The following ADRA1B variants were observed in gnomAD, a reference collection of about 807,000 sequenced individuals.
ADRA1B encodes the protein adrenoceptor alpha 1B, also known as alpha-1B adrenergic receptor.
Under a neutral mutation model 17.9 loss-of-function variants are expected in ADRA1B, and 17 were observed. That is an observed-to-expected ratio of 0.95 (90% CI 0.65 to 1.42). ADRA1B has a LOEUF of 1.42. Among genes scored for constraint, ADRA1B ranks in the 40% most tolerant of loss-of-function variants. ADRA1B has a pLI of 0.00. For synonymous variants in ADRA1B, 366 were observed against 327.6 expected (o/e 1.12, Z -1.27); for missense variants, 681 against 722.1 (o/e 0.94, Z 0.65).
chr5:159,988,157 G>A, the ADRA1B span, among the ~76,000 whole-genome samples: 3 of 152,174 alleles, frequency 2.0e-5, no homozygotes, highest in Admixed American at 1.3e-4. Context: ...AGAACAAAGG[G>A]ACGGACATTT....
chr5:159,926,933 T>C (rs1289782214), intron 1 of ADRA1B, among the ~76,000 whole-genome samples: 1 of 151,940 alleles, frequency 6.6e-6, no homozygotes, highest in East Asian at 1.9e-4. Context: ...AATAAGGAAA[T>C]GGGCTCAGGG....
At chr5:159,956,878 C>CT (rs1022081858) in intron 1 of ADRA1B, among the ~76,000 whole-genome samples, 8 of 151,232 alleles carry the variant, frequency 5.3e-5, no homozygotes, top group East Asian at 1.9e-4. Context: ...TAATATTTTG[C>CT]TTTTTTTTTC....
At chr5:159,984,189 C>A in the ADRA1B span, among the ~76,000 whole-genome samples, 1 of 152,074 alleles carries the variant, frequency 6.6e-6, no homozygotes, top group African/African-American at 2.4e-5. Flanking sequence ...TCTCTTCACT[C>A]CCTGGTTACC....
intron 1 of ADRA1B, among the ~76,000 whole-genome samples, chr5:159,875,469 G>C (rs1753791665): frequency 6.6e-6 from 1 of 152,048 alleles, no homozygotes; most frequent in Non-Finnish European, 1.5e-5. Context: ...ATGACCCTGA[G>C]ACCATACCTA....
intron 1 of ADRA1B, among the ~76,000 whole-genome samples, chr5:159,901,392 G>A (rs1202584605): frequency 1.6e-5 from 2 of 128,076 alleles, no homozygotes; most frequent in Non-Finnish European, 3.3e-5. Flanking sequence ...GGAGGAGGAG[G>A]AGGAGGAGGA....
chr5:159,917,564 T>C lies in ADRA1B; in HGVS notation c.659T>C (p.Leu220Pro). 1.2e-6 allele frequency: 2 copies of C among 1,614,026 alleles called. No homozygotes were observed. The highest frequency in any genetic ancestry group is 1.7e-6 in the Non-Finnish European group (2 of 1,179,974). Residue 220 changes from leucine to proline, a missense_variant, in exon 1 of 2, where the codon CTA becomes CCA. Around this residue, in one of 3 missense-constraint regions of ADRA1B, gnomAD observed 424 missense variants for 480.2 expected, o/e 0.88. Coordinates refer to ENST00000306675, the MANE Select transcript of ADRA1B (RefSeq NM_000679.4). Reference protein sequence around the residue: ...GSFYIPLAVILVMYCRVYIVA... With the variant: ...GSFYIPLAVIPVMYCRVYIVA... ...TTCTACATCCCTCTGGCGGTCATTC[T>C]AGTCATGTACTGCCGTGTCTATATA...
chr5:159,872,278 C>G (rs1457563152), intron 1 of ADRA1B, among the ~76,000 whole-genome samples: 3 of 152,172 alleles, frequency 2.0e-5, no homozygotes, highest in Non-Finnish European at 4.4e-5. Flanking sequence ...GCAGCTGCTG[C>G]TGGGGACACC....
chr5:159,869,631 T>C (rs1006878290), intron 1 of ADRA1B: 1 of 152,226 alleles, frequency 6.6e-6, no homozygotes, highest in Non-Finnish European at 1.5e-5. Context: ...TTGATCATGA[T>C]TCATTCATTT....
rs868051693 is a variant in ADRA1B, at chr5:159,961,981, C to T, written c.950-9898C>T. Among the ~76,000 whole-genome samples the T allele has an allele frequency of 2.6e-4, 40 of 152,072 alleles. 1 individual carries two copies. The highest frequency in any genetic ancestry group is 9.2e-4 in the Admixed American group (14 of 15,266). ...AAGTCAGCGCTTTGGGAGGCCGAGG[C>T]GAGGTTAGGAGTTCAAGACCAGTCT... On this transcript the variant is annotated intron_variant, in intron 1 of 1. Transcript: ENST00000306675.
chr5:159,876,141 A>G (rs1330257459), intron 1 of ADRA1B, among the ~76,000 whole-genome samples: 1 of 152,238 alleles, frequency 6.6e-6, no homozygotes, highest in Non-Finnish European at 1.5e-5. Flanking sequence ...GTGAACTGAG[A>G]TCACGCCACT....
chr5:159,973,836 T>C (rs886557605), downstream of ADRA1B, among the ~76,000 whole-genome samples: 37 of 152,228 alleles, frequency 2.4e-4, no homozygotes, highest in African/African-American at 8.7e-4. Context: ...TCTAAGGTCT[T>C]TGCTGCCTCT....
intron 1 of ADRA1B, among the ~76,000 whole-genome samples, chr5:159,874,878 C>T (rs763177530): frequency 9.9e-5 from 15 of 152,144 alleles, no homozygotes; most frequent in Non-Finnish European, 1.5e-4. Flanking sequence ...GCAGTTTGCA[C>T]GAAAAGGGTA....
chr5:159,946,721 A>G (rs1351078318), intron 1 of ADRA1B, among the ~76,000 whole-genome samples: 2 of 152,254 alleles, frequency 1.3e-5, no homozygotes, highest in East Asian at 1.9e-4. Flanking sequence ...AATATTGAAT[A>G]TGCTTAGATT....
At chr5:159,974,343 AAAAG>A (rs546336480), downstream of ADRA1B, among the ~76,000 whole-genome samples, 19 of 152,324 alleles carry the variant, frequency 1.2e-4, no homozygotes, top group South Asian at 4.1e-4. Context: ...ATGAAAAAGA[AAAAG>A]AAAACCAGCT....
chr5:159,916,874 C>A lies in ADRA1B; in HGVS notation c.-32C>A. 6.4e-7 allele frequency: 1 copy of A among 1,568,260 alleles called. No individual in the cohort carries two copies. Among genetic ancestry groups the A allele is most frequent in the Non-Finnish European group, 8.7e-7 (1 of 1,154,178 alleles). On this transcript the variant is annotated 5_prime_UTR_variant, in exon 1 of 2. Coordinates refer to ENST00000306675, the MANE Select transcript of ADRA1B (RefSeq NM_000679.4). Reference sequence around the variant, plus strand: ...TCGCCGCAGCCCTTCCGAGCCCAATCATCCCCCTGGCTATGGAGGGCGGAC... The same window carrying A: ...TCGCCGCAGCCCTTCCGAGCCCAATAATCCCCCTGGCTATGGAGGGCGGAC...
At chr5:159,908,764 T>C (rs1461048382) in intron 1 of ADRA1B, among the ~76,000 whole-genome samples, 1 of 152,250 alleles carries the variant, frequency 6.6e-6, no homozygotes, top group South Asian at 2.1e-4. Flanking sequence ...CAATGCTGCA[T>C]GCATAACTGC....
At chr5:159,979,728 C>T in the ADRA1B span, among the ~76,000 whole-genome samples, 2 of 152,004 alleles carry the variant, frequency 1.3e-5, no homozygotes, top group Non-Finnish European at 2.9e-5. Context: ...ATCAGCTAGG[C>T]GTGGTGGCAC....
chr5:159,916,444 A>T (rs908759837), upstream of ADRA1B: 2 of 151,886 alleles, frequency 1.3e-5, no homozygotes, highest in Admixed American at 1.3e-4. Context: ...GCGCGGAGTC[A>T]GGGCGCCGGG....
intron 1 of ADRA1B, among the ~76,000 whole-genome samples, chr5:159,929,646 G>A (rs538776940): frequency 3.3e-5 from 5 of 151,838 alleles, no homozygotes; most frequent in South Asian, 2.1e-4. Flanking sequence ...AACTTGGACC[G>A]TGCCATCACG....
Sources: allele counts gnomAD v4.1 joint callset (sites outside exome capture counted in the v4.1 genomes callset), GRCh38; gene constraint gnomAD v4.1.1; regional missense constraint gnomAD v4.1.1; transcripts MANE v1.5; gene names NCBI Gene and HGNC (gene_info 2026-07-23, HGNC 2026-07-21).